BARX2: variants seen among roughly 807,000 people sequenced by gnomAD.
BARX2 encodes BARX homeobox 2, also known as homeobox protein BarH-like 2.
A neutral mutation model predicts 25.5 loss-of-function variants in BARX2; 11 were observed. The ratio of observed to expected loss-of-function variants is 0.43; its 90% confidence interval spans 0.27 to 0.71. The LOEUF is 0.71. Ranked by LOEUF, BARX2 falls within the 30% of genes least tolerant of loss-of-function variation. The pLI, the probability that BARX2 is intolerant of heterozygous loss-of-function variation, is 0.19. For missense variants in BARX2, 360 were observed against 359.9 expected, an observed-to-expected ratio of 1.00 and a Z score of 0.00; for synonymous variants, 137 against 149.5, an observed-to-expected ratio of 0.92 and a Z score of 0.61.
Position 129,452,164 on chromosome 11 carries a change from TA to T in BARX2, c.*768del, listed in dbSNP as rs1311281127. ...GTCATCACCAAGATCTGATTTTTCA[TA>T]AAAAACATTTGTGACCTTCGGCATA... On this transcript the variant is annotated 3_prime_UTR_variant, in exon 4 of 4. Transcript: ENST00000281437. The T allele has an allele frequency of 2.6e-5, 4 of 152,122 alleles. No individual in the cohort carries two copies. Among genetic ancestry groups the T allele is most frequent in the African/African-American group, 4.8e-5 (2 of 41,430 alleles). 9.4% of individuals were successfully genotyped at this position (152,122 alleles called of 1,614,324 possible). A position where few individuals can be genotyped will look rare whatever the true frequency, so the allele number is the denominator to read the frequency against.
rs1591426453 is a variant in BARX2 at position 129,385,125 on chromosome 11, T to C, written c.187+8903T>C. On this transcript the variant is annotated intron_variant, in intron 1 of 3. Coordinates refer to ENST00000281437, the MANE Select transcript of BARX2 (RefSeq NM_003658.5). ...GAGATACCATTTCACACTCACTGGG[T>C]AGCCCAAAATGAAAGGACAAAATCG... is the stretch of plus-strand genomic sequence containing the variant. Among the ~76,000 whole-genome samples, 3 of 152,286 alleles carry C rather than the reference T, an allele frequency of 2.0e-5. No individual in the cohort carries two copies. In the South Asian group the frequency reaches 6.2e-4, roughly 32 times the overall value.
In BARX2 at chr11:129,437,041, A is replaced by T. The variant is rs1453182162; in HGVS notation, c.478A>T (p.Thr160Ser). ...KKFQKQKYLS[T>S]PDRLDLAQSL... The stretch of plus-strand genomic sequence containing the variant: ...ATTCCAGAAGCAGAAGTATTTGTCA[A>T]CCCCAGACAGGTGAGGACGCAGGGA... Residue 160 changes from threonine (T) to serine (S), a missense_variant, in exon 2 of 4, where the codon ACC becomes TCC. By Grantham distance (58) the Thr-to-Ser change is moderately conservative (BLOSUM62 1). This residue lies in a region of BARX2 where 240 missense variants were observed against 228.7 expected (regional missense o/e 1.05). Coordinates refer to ENST00000281437, the MANE Select transcript of BARX2 (RefSeq NM_003658.5). 2 of 1,568,430 alleles carry T rather than the reference A, an allele frequency of 1.3e-6. No individual in the cohort carries two copies. Among genetic ancestry groups the T allele is most frequent in the African/African-American group, 2.7e-5 (2 of 73,774 alleles).
At chr11:129,428,016 G>A (rs1040259735) in intron 1 of BARX2, among the ~76,000 whole-genome samples, 2 of 152,174 alleles carry the variant, frequency 1.3e-5, no homozygotes, top group African/African-American at 2.4e-5. Flanking sequence ...CAAAAAGGCC[G>A]AACATTTGGC....
chr11:129,408,473 C>T (rs545961770), intron 1 of BARX2, among the ~76,000 whole-genome samples: 46 of 152,298 alleles, frequency 3.0e-4, no homozygotes, highest in Non-Finnish European at 5.6e-4. Flanking sequence ...GCTCACAGTG[C>T]GTCGGTTTTG....
intron 1 of BARX2, among the ~76,000 whole-genome samples, chr11:129,393,571 G>C (rs970720347): frequency 6.6e-6 from 1 of 150,980 alleles, no homozygotes; most frequent in African/African-American, 2.4e-5. Flanking sequence ...TGAAGTTCTA[G>C]GGAATGTATT....
chr11:129,386,086 A>G lies in BARX2; in HGVS notation c.187+9864A>G, dbSNP rs544374071. Among the ~76,000 whole-genome samples, 4 of 152,350 alleles carry G rather than the reference A, an allele frequency of 2.6e-5. No homozygotes were observed. The East Asian group carries it at 7.7e-4, about 29-fold the overall frequency. ...TGATTGAGGGTATTATTTATCACCAAGATAACTGCTGTTTCTCCAGTAATG... is the reference window on the plus strand; with the variant it reads ...TGATTGAGGGTATTATTTATCACCAGGATAACTGCTGTTTCTCCAGTAATG... On this transcript the variant is annotated intron_variant, in intron 1 of 3. Coordinates refer to ENST00000281437, the MANE Select transcript of BARX2 (RefSeq NM_003658.5).
chr11:129,420,486 GC>G (rs1401530321), intron 1 of BARX2, among the ~76,000 whole-genome samples: 1 of 152,168 alleles, frequency 6.6e-6, no homozygotes, highest in Non-Finnish European at 1.5e-5. Context: ...AATGCCCTCT[GC>G]CTCATCCATC....
intron 3 of BARX2, among the ~76,000 whole-genome samples, chr11:129,448,212 C>A (rs1432468994): frequency 6.6e-6 from 1 of 152,098 alleles, no homozygotes; most frequent in African/African-American, 2.4e-5. Flanking sequence ...GAGTAAGTAT[C>A]CATGACCTCG....
intron 1 of BARX2, among the ~76,000 whole-genome samples, chr11:129,402,704 G>T (rs1261808029): frequency 2.0e-5 from 3 of 152,210 alleles, no homozygotes; most frequent in Admixed American, 1.3e-4. Flanking sequence ...TAACTGGTTG[G>T]TTAACTCTCT....
intron 3 of BARX2, among the ~76,000 whole-genome samples, chr11:129,443,259 G>A (rs905472482): frequency 4.6e-5 from 7 of 152,000 alleles, no homozygotes; most frequent in African/African-American, 1.7e-4. Flanking sequence ...TTGCCATGGT[G>A]GTTTGCTGCA....
intron 1 of BARX2, among the ~76,000 whole-genome samples, chr11:129,400,289 C>T (rs75526210): frequency 0.017 from 2,544 of 152,108 alleles, 71 homozygotes; most frequent in African/African-American, 0.058. Flanking sequence ...ATACCCTGGG[C>T]GGTGCTGTGA....
At chr11:129,424,139 C>T (rs190779945) in intron 1 of BARX2, among the ~76,000 whole-genome samples, 3 of 152,330 alleles carry the variant, frequency 2.0e-5, no homozygotes, top group African/African-American at 4.8e-5. Context: ...TGAGCCACTG[C>T]GCCCAGTCCA....
Position 129,451,514 on chromosome 11 carries a change from A to T in BARX2, c.*112A>T. 8.0e-7 allele frequency: 1 copy of T among 1,252,818 alleles called. No individual in the cohort carries two copies. The highest frequency in any genetic ancestry group is 1.5e-5 in the South Asian group (1 of 65,616). 77.6% of individuals were successfully genotyped at this position (1,252,818 alleles called of 1,614,324 possible). A position where few individuals can be genotyped will look rare whatever the true frequency, so the allele number is the denominator to read the frequency against. Reference sequence around the variant, plus strand: ...AGCCCAGTAAACTGCGGGCGAAGAGATCTACCCGTCTCCCTCCCTCCCACA... The same window carrying T: ...AGCCCAGTAAACTGCGGGCGAAGAGTTCTACCCGTCTCCCTCCCTCCCACA... On this transcript the variant is annotated 3_prime_UTR_variant, in exon 4 of 4. Transcript: ENST00000281437.
At chr11:129,429,998 T>C (rs1206049707) in intron 1 of BARX2, among the ~76,000 whole-genome samples, 1 of 152,186 alleles carries the variant, frequency 6.6e-6, no homozygotes, top group Non-Finnish European at 1.5e-5. Context: ...TAACTTTCTC[T>C]TCCCCCACCA....
At chr11:129,447,194 G>C (rs1862341048) in intron 3 of BARX2, among the ~76,000 whole-genome samples, 1 of 152,200 alleles carries the variant, frequency 6.6e-6, no homozygotes, top group Non-Finnish European at 1.5e-5. Flanking sequence ...GGGAAGGAGA[G>C]AGTTCCTTCC....
chr11:129,440,923 G>T (rs1312229752), intron 2 of BARX2, among the ~76,000 whole-genome samples: 1 of 152,210 alleles, frequency 6.6e-6, no homozygotes, highest in African/African-American at 2.4e-5. Context: ...AGTGGGGGTT[G>T]CTGCCCAAGC....
chr11:129,413,983 A>G (rs977850568), intron 1 of BARX2, among the ~76,000 whole-genome samples: 12 of 151,760 alleles, frequency 7.9e-5, no homozygotes, highest in East Asian at 7.8e-4. Context: ...GGAGAATGGC[A>G]TGAACCTGGG....
chr11:129,392,435 C>T (rs1861675066), intron 1 of BARX2, among the ~76,000 whole-genome samples: 1 of 152,132 alleles, frequency 6.6e-6, no homozygotes, highest in Non-Finnish European at 1.5e-5. Flanking sequence ...AGGTAAAATT[C>T]CACTTCCAAG....
Position 129,451,247 on chromosome 11 carries a change from C to T in BARX2, c.685C>T (p.Gln229Ter), listed in dbSNP as rs1862396012. 3 of 1,614,056 alleles carry T rather than the reference C, an allele frequency of 1.9e-6. No homozygotes were observed. Among genetic ancestry groups the T allele is most frequent in the African/African-American group, 2.7e-5 (2 of 74,914 alleles). Residue 229 changes from glutamine (Q) to a stop codon, truncating the protein, a stop_gained, in exon 4 of 4, where the codon CAG becomes TAG. Coordinates refer to ENST00000281437, the MANE Select transcript of BARX2 (RefSeq NM_003658.5). LOFTEE classifies it low-confidence loss of function (END_TRUNC). ...TGAAGAGAAGATGAACAGCCAGGCC[C>T]AGGGTCAGGAGCAGCTGGAGCCCTC... Reference protein sequence around the residue: ...EAEEKMNSQAQGQEQLEPSQG... With the variant: ...EAEEKMNSQA
Sources: allele counts gnomAD v4.1 joint callset (sites outside exome capture counted in the v4.1 genomes callset), GRCh38; gene constraint gnomAD v4.1.1; regional missense constraint gnomAD v4.1.1; transcripts MANE v1.5; gene names NCBI Gene and HGNC (gene_info 2026-07-23, HGNC 2026-07-21).